The following ENTPD1 variants were observed in gnomAD, a reference collection of about 807,000 sequenced individuals.
ENTPD1 encodes the protein ectonucleoside triphosphate diphosphohydrolase 1.
A neutral mutation model predicts 57.0 loss-of-function variants in ENTPD1; 33 were observed. The observed-to-expected ratio is 0.58, with a 90% CI of 0.44 to 0.77. The LOEUF is 0.77. Ranked by LOEUF, ENTPD1 falls within the 30% of genes least tolerant of loss-of-function variation. ENTPD1 has a pLI of 0.00. For synonymous variants in ENTPD1, 202 were observed against 218.8 expected, an observed-to-expected ratio of 0.92 and a Z score of 0.68; for missense variants, 501 against 603.4, an observed-to-expected ratio of 0.83 and a Z score of 1.78.
intron 1 of ENTPD1, among the ~76,000 whole-genome samples, chr10:95,767,167 T>G (rs1397970141): frequency 6.6e-6 from 1 of 151,470 alleles, no homozygotes; most frequent in African/African-American, 2.4e-5. Flanking sequence ...ACAAAAAAAA[T>G]TAGCCGGGCG....
chr10:95,694,217 G>A, the ENTPD1 span: 1 of 375,286 alleles, frequency 2.7e-6, no homozygotes, highest in Non-Finnish European at 4.9e-6. Context: ...GAGAGGTTCC[G>A]CGCCCACTTC....
chr10:95,845,258 C>T, intron 5 of ENTPD1, 99 bp from the exon 6 acceptor site: 3 of 1,550,270 alleles, frequency 1.9e-6, no homozygotes, highest in Non-Finnish European at 2.7e-6. Flanking sequence ...ACCTTTATGC[C>T]CCTGTTTCTT....
Position 95,793,192 on chromosome 10 carries a change from A to G in ENTPD1, c.17-30045A>G, listed in dbSNP as rs76806408. 5.6e-3 allele frequency among the ~76,000 whole-genome samples: 856 copies of G among 152,342 alleles called. 14 individuals are homozygous for G. Among genetic ancestry groups the G allele is most frequent in the African/African-American group, 0.02 (821 of 41,588 alleles). ...AATTTCATTAAACTGGCTGACTTCA[A>G]GGATGGTGAACTAGGACTGCTTCTA... On this transcript the variant is annotated intron_variant, in intron 1 of 9. Transcript: ENST00000371205.
At chr10:95,762,252 G>C (rs1385813257) in intron 1 of ENTPD1, among the ~76,000 whole-genome samples, 3 of 150,976 alleles carry the variant, frequency 2.0e-5, no homozygotes, top group African/African-American at 7.3e-5. Context: ...TGATTCATAG[G>C]AAGGATGTAA....
chr10:95,752,851 G>T (rs2139908238), upstream of ENTPD1, among the ~76,000 whole-genome samples: 1 of 152,224 alleles, frequency 6.6e-6, no homozygotes, highest in Non-Finnish European at 1.5e-5. Flanking sequence ...ATTTTTAACA[G>T]TATACTTAAG....
chr10:95,844,175 G>A (rs890186758), intron 4 of ENTPD1, among the ~76,000 whole-genome samples: 1 of 152,176 alleles, frequency 6.6e-6, no homozygotes, highest in African/African-American at 2.4e-5. Flanking sequence ...GTAATTTTAA[G>A]AGCCTTTGAT....
chr10:95,815,238 G>T (rs1318801269), intron 1 of ENTPD1, among the ~76,000 whole-genome samples: 2 of 152,166 alleles, frequency 1.3e-5, no homozygotes, highest in Admixed American at 6.5e-5. Flanking sequence ...AAATTTCTAC[G>T]CATCTCTAAT....
In ENTPD1 at chr10:95,791,682, G is replaced by A. The variant is rs937934138; in HGVS notation, c.17-31555G>A. 2.0e-5 allele frequency among the ~76,000 whole-genome samples: 3 copies of A among 152,186 alleles called. No homozygotes were observed. Among genetic ancestry groups the A allele is most frequent in the Admixed American group, 1.3e-4 (2 of 15,278 alleles). On this transcript the variant is annotated intron_variant, in intron 1 of 9. Coordinates refer to ENST00000371205, the MANE Select transcript of ENTPD1 (RefSeq NM_001776.6). This position sits in a 1 kb window ranked among gnomAD's most constrained non-coding sequence, Gnocchi z 4.1. ...TACCACTTGGAAGGAGTTGGACTAA[G>A]TTAGAGGTTCACAAGGGAGAACTTT...
intron 1 of ENTPD1, chr10:95,785,119 A>G (rs2098173874): frequency 2.0e-5 from 3 of 152,158 alleles, no homozygotes; most frequent in African/African-American, 7.2e-5. Flanking sequence ...TTCATTCCCA[A>G]GACTCAGCTC....
At chr10:95,828,733 G>C (rs1393708370) in intron 2 of ENTPD1, among the ~76,000 whole-genome samples, 2 of 138,210 alleles carry the variant, frequency 1.4e-5, no homozygotes, top group Non-Finnish European at 3.1e-5. Flanking sequence ...TTTTTGAGAC[G>C]GAGTTTTGCT....
intron 1 of ENTPD1, among the ~76,000 whole-genome samples, chr10:95,792,382 C>A (rs1398374461): frequency 6.6e-6 from 1 of 152,140 alleles, no homozygotes; most frequent in East Asian, 1.9e-4. Flanking sequence ...AGTAAGTGTT[C>A]CAATGAGTTG....
chr10:95,740,635 C>T (rs773211675), intron 1 of ENTPD1, among the ~76,000 whole-genome samples: 17 of 152,198 alleles, frequency 1.1e-4, no homozygotes, highest in Admixed American at 2.0e-4. Flanking sequence ...TCCAAGATGG[C>T]ATCTTCTTCC....
chr10:95,843,968 T>C lies in ENTPD1; in HGVS notation c.414-508T>C, dbSNP rs181054525. Reference sequence around the variant, plus strand: ...GAACTGAGCTGTAATATGAGGAAGATTTTTCCCAGTCTGGCAGCAGAGGAG... The same window carrying C: ...GAACTGAGCTGTAATATGAGGAAGACTTTTCCCAGTCTGGCAGCAGAGGAG... On this transcript the variant is annotated intron_variant, in intron 4 of 9. Transcript: ENST00000371205. Among the ~76,000 whole-genome samples, 670 of 152,266 alleles carry C rather than the reference T, an allele frequency of 4.4e-3. 2 individuals carry two copies. Among genetic ancestry groups the C allele is most frequent in the Middle Eastern group, 0.02 (6 of 294 alleles).
intron 2 of ENTPD1, among the ~76,000 whole-genome samples, chr10:95,830,658 C>G (rs1202916688): frequency 6.6e-6 from 1 of 152,088 alleles, no homozygotes; most frequent in African/African-American, 2.4e-5. Flanking sequence ...CAAAAATTAG[C>G]TGGGCATGTT....
At chr10:95,832,330 T>G (rs2098399001) in intron 2 of ENTPD1, among the ~76,000 whole-genome samples, 1 of 152,086 alleles carries the variant, frequency 6.6e-6, no homozygotes, top group African/African-American at 2.4e-5. Context: ...GCAGGCATCC[T>G]GGGGTGTTCT....
chr10:95,811,271 A>G (rs1036955188), intron 1 of ENTPD1, among the ~76,000 whole-genome samples: 4 of 152,338 alleles, frequency 2.6e-5, no homozygotes, highest in Admixed American at 2.6e-4. Context: ...AATGAATGGG[A>G]ACCCAAAGGT....
chr10:95,830,530 G>A (rs1412304066), intron 2 of ENTPD1, among the ~76,000 whole-genome samples: 1 of 152,156 alleles, frequency 6.6e-6, no homozygotes, highest in African/African-American at 2.4e-5. Context: ...AGATCACCGG[G>A]CGTGGTGGCT....
intron 1 of ENTPD1, among the ~76,000 whole-genome samples, chr10:95,761,115 C>A (rs940523391): frequency 6.6e-6 from 1 of 152,090 alleles, no homozygotes; most frequent in Non-Finnish European, 1.5e-5. Flanking sequence ...CAGGCGTGAG[C>A]CACCGCGCCC....
chr10:95,824,214 T>C (rs185736102), intron 2 of ENTPD1, among the ~76,000 whole-genome samples: 1 of 152,396 alleles, frequency 6.6e-6, no homozygotes, highest in East Asian at 1.9e-4. Flanking sequence ...GCCCAGATGA[T>C]ACCAATATGC....
Sources: allele counts gnomAD v4.1 joint callset (sites outside exome capture counted in the v4.1 genomes callset), GRCh38; gene constraint gnomAD v4.1.1; non-coding constraint Gnocchi (gnomAD v3.1); transcripts MANE v1.5; gene names NCBI Gene and HGNC (gene_info 2026-07-23, HGNC 2026-07-21).